Variants in WWOX observed in about 807,000 individuals in gnomAD.
WWOX encodes WW domain-containing oxidoreductase.
In WWOX, 69 loss-of-function variants were observed where a neutral mutation model predicts 46.2. The observed-to-expected ratio is 1.49, with a 90% CI of 1.23 to 1.82. The LOEUF (loss-of-function observed/expected upper bound fraction) is 1.82. Among genes scored for constraint, WWOX ranks in the 40% most tolerant of loss-of-function variants. The pLI is 0.00. For missense variants in WWOX, 919 were observed against 542.6 expected, an observed-to-expected ratio of 1.69 and a Z score of -6.89; for synonymous variants, 359 against 202.6, an observed-to-expected ratio of 1.77 and a Z score of -6.56.
chr16:79,122,117 C>G (rs1363186904), intron 8 of WWOX, among the ~76,000 whole-genome samples: 1 of 152,146 alleles, frequency 6.6e-6, no homozygotes, highest in Non-Finnish European at 1.5e-5. Flanking sequence ...CGGGGCTGTT[C>G]CACCTCGGAG....
At chr16:78,754,841 C>A (rs1297852474) in intron 8 of WWOX, among the ~76,000 whole-genome samples, 3 of 152,142 alleles carry the variant, frequency 2.0e-5, no homozygotes, top group African/African-American at 7.2e-5. Flanking sequence ...AGCTGTACTA[C>A]CTCAGCTGGT....
chr16:79,074,690 C>G (rs1352408050), intron 8 of WWOX, among the ~76,000 whole-genome samples: 3 of 151,848 alleles, frequency 2.0e-5, no homozygotes, highest in African/African-American at 7.3e-5. Flanking sequence ...GTAAGTTGAT[C>G]AGCATATGTT....
intron 4 of WWOX, among the ~76,000 whole-genome samples, chr16:78,148,039 C>T (rs962699650): frequency 1.3e-4 from 20 of 152,006 alleles, no homozygotes; most frequent in Admixed American, 1.1e-3. Flanking sequence ...GTAACGGAGG[C>T]CTCAATGGTG....
At chr16:78,245,095 C>G (rs568543839) in intron 5 of WWOX, among the ~76,000 whole-genome samples, 28 of 152,174 alleles carry the variant, frequency 1.8e-4, no homozygotes, top group Non-Finnish European at 2.8e-4. Context: ...TCCTGCAATT[C>G]AAATATTCCA....
intron 8 of WWOX, among the ~76,000 whole-genome samples, chr16:78,457,772 T>C (rs1227247921): frequency 3.3e-5 from 5 of 151,756 alleles, no homozygotes; most frequent in Non-Finnish European, 5.9e-5. Context: ...AAATTATAGC[T>C]GGGCGTGGTG....
chr16:78,580,616 C>A (rs2045026872), intron 8 of WWOX, among the ~76,000 whole-genome samples: 1 of 152,166 alleles, frequency 6.6e-6, no homozygotes, highest in African/African-American at 2.4e-5. Flanking sequence ...CTTTACAATC[C>A]AACAACTCTG....
intron 8 of WWOX, among the ~76,000 whole-genome samples, chr16:78,833,822 A>C (rs1363969593): frequency 1.3e-5 from 2 of 152,262 alleles, no homozygotes; most frequent in African/African-American, 4.8e-5. Context: ...CTCACAAGCA[A>C]GTGCAGGCTT....
At chr16:78,680,942 G>A (rs1419116697) in intron 8 of WWOX, among the ~76,000 whole-genome samples, 3 of 151,958 alleles carry the variant, frequency 2.0e-5, no homozygotes. Context: ...GAGACCCTCT[G>A]TCTACAAAAA....
chr16:78,417,325 C>G (rs1264811748), intron 6 of WWOX, among the ~76,000 whole-genome samples: 1 of 151,956 alleles, frequency 6.6e-6, no homozygotes, highest in African/African-American at 2.4e-5. Flanking sequence ...ACCCCTGAGT[C>G]CAAAAGATGC....
rs1268427963 is a variant in WWOX, at chr16:78,144,663, G to T, written c.410-19520G>T. ...CAGCCTCCCAATAGCTGGGATTACA[G>T]GTGCACGCTACCATGCCCGGCTGAT... On this transcript the variant is annotated intron_variant, in intron 4 of 8. Transcript: ENST00000566780. 4.0e-5 allele frequency among the ~76,000 whole-genome samples: 6 copies of T among 149,474 alleles called. No individual in the cohort carries two copies. The South Asian group carries it at 1.3e-3, about 32-fold the overall frequency.
At chr16:79,191,201 C>A (rs1050147822) in intron 8 of WWOX, among the ~76,000 whole-genome samples, 3 of 151,904 alleles carry the variant, frequency 2.0e-5, no homozygotes, top group Non-Finnish European at 1.5e-5. Context: ...CTACAGGCAC[C>A]TGCCACCACA....
chr16:79,039,112 A>C (rs748539680), intron 8 of WWOX, among the ~76,000 whole-genome samples: 1 of 152,188 alleles, frequency 6.6e-6, no homozygotes, highest in African/African-American at 2.4e-5. Context: ...AAAAAAATTA[A>C]AGAAATGAAA....
At chr16:78,262,097 C>CAAAAAAAAAAAAAAA (rs752161345) in intron 5 of WWOX, among the ~76,000 whole-genome samples, 2 of 62,608 alleles carry the variant, frequency 3.2e-5, no homozygotes, top group Non-Finnish European at 5.7e-5. Context: ...GAAACTCTGT[C>CAAAAAAAAAAAAAAA]AAAAAAAAAA....
rs532360313 is a variant in WWOX, at chr16:78,756,795, G to A, written c.1056+324043G>A. ...GTGATTCTCAGTTCTTGGTAGCCAT[G>A]TCTCAGCATAGTCTTCTCGGACACC... On this transcript the variant is annotated intron_variant, in intron 8 of 8. Transcript: ENST00000566780. The A allele has an allele frequency of 3.8e-5, 20 of 520,098 alleles. No homozygotes were observed. In the South Asian group the frequency reaches 5.6e-4, roughly 15 times the overall value. 32.2% of individuals were successfully genotyped at this position (520,098 alleles called of 1,614,324 possible).
chr16:78,573,339 T>G (rs1597288344), intron 8 of WWOX, among the ~76,000 whole-genome samples: 1 of 152,212 alleles, frequency 6.6e-6, no homozygotes, highest in Non-Finnish European at 1.5e-5. Flanking sequence ...TCTAGTACCT[T>G]GAAACCAAAA....
At chr16:78,659,046 T>G (rs1005014051) in intron 8 of WWOX, among the ~76,000 whole-genome samples, 6 of 150,370 alleles carry the variant, frequency 4.0e-5, no homozygotes, top group Non-Finnish European at 7.4e-5. Flanking sequence ...GAGCCGAGAT[T>G]GTGCCACTGC....
At position 78,184,535 on chromosome 16, in the gene WWOX, A is replaced by G. The variant is rs182103245; in HGVS notation, c.516+20246A>G. On this transcript the variant is annotated intron_variant, in intron 5 of 8. Coordinates refer to ENST00000566780, the MANE Select transcript of WWOX (RefSeq NM_016373.4). ...ATTAAACAGCTTAGCCGGCACCCACATGGATGAATCACCGAGATCTATTTT... is the reference window on the plus strand; with the variant it reads ...ATTAAACAGCTTAGCCGGCACCCACGTGGATGAATCACCGAGATCTATTTT... 4.6e-5 allele frequency among the ~76,000 whole-genome samples: 7 copies of G among 152,210 alleles called. No individual in the cohort carries two copies. The East Asian group carries it at 1.2e-3, about 25-fold the overall frequency.
At chr16:78,772,866 A>T (rs1188242783) in intron 8 of WWOX, among the ~76,000 whole-genome samples, 2 of 152,044 alleles carry the variant, frequency 1.3e-5, no homozygotes, top group Non-Finnish European at 2.9e-5. Flanking sequence ...TTAAAGTAAA[A>T]ATCAAAAAAA....
intron 8 of WWOX, among the ~76,000 whole-genome samples, chr16:79,118,297 A>G (rs2049559592): frequency 6.6e-6 from 1 of 152,262 alleles, no homozygotes; most frequent in African/African-American, 2.4e-5. Context: ...TGTGGTATTC[A>G]TAAATATAAC....
Sources: allele counts gnomAD v4.1 joint callset (sites outside exome capture counted in the v4.1 genomes callset), GRCh38; gene constraint gnomAD v4.1.1; transcripts MANE v1.5; gene names NCBI Gene and HGNC (gene_info 2026-07-23, HGNC 2026-07-21).